RTN4IP1: variants seen among roughly 807,000 people sequenced by gnomAD.
RTN4IP1 encodes the protein NAD(P)H oxidoreductase RTN4IP1, mitochondrial.
RTN4IP1 carries 32 observed loss-of-function variants against 46.6 expected under a neutral mutation model. The observed-to-expected ratio is 0.69, with a 90% confidence interval of 0.52 to 0.92. The LOEUF is 0.92. Ranked by LOEUF, RTN4IP1 falls within the 40% of genes least tolerant of loss-of-function variation. The pLI is 0.00. For synonymous variants in RTN4IP1, 167 were observed against 161.8 expected (o/e 1.03, Z -0.24); for missense variants, 424 against 485.8 (o/e 0.87, Z 1.20).
intron 4 of RTN4IP1, chr6:106,607,623 G>T (rs1776118503): frequency 6.6e-6 from 1 of 152,076 alleles, no homozygotes; most frequent in Non-Finnish European, 1.5e-5. Context: ...AAAATATGCT[G>T]TACATCACTA....
intron 5 of RTN4IP1, among the ~76,000 whole-genome samples, chr6:106,602,104 T>G (rs944477830): frequency 6.6e-6 from 1 of 152,224 alleles, no homozygotes; most frequent in African/African-American, 2.4e-5. Context: ...CTCAATTCTA[T>G]TCCATTGATC....
intron 1 of RTN4IP1, among the ~76,000 whole-genome samples, chr6:106,627,181 T>C (rs1450469564): frequency 6.7e-6 from 1 of 150,316 alleles, no homozygotes; most frequent in Non-Finnish European, 1.5e-5. Flanking sequence ...ATATTACCCA[T>C]TCAAGTCATA....
In RTN4IP1 at chr6:106,571,706, A is replaced by C. The variant is rs957763258; in HGVS notation, c.*290T>G. ...ACCCTGTCTCTAAAACAAAAAAGAC[A>C]ATAAAGTAGTTTAAGCTAGTAAAAC... is the stretch of plus-strand genomic sequence containing the variant. On this transcript the variant is annotated 3_prime_UTR_variant, in exon 9 of 9. Coordinates refer to ENST00000369063, the MANE Select transcript of RTN4IP1 (RefSeq NM_032730.5). The C allele has an allele frequency of 1.2e-5, 4 of 327,864 alleles. No homozygotes were observed. In the Admixed American group the frequency reaches 1.9e-4, roughly 15 times the overall value. The allele number at this position is 327,864 out of a possible 1,614,324, so 20.3% of individuals were successfully genotyped here. A position where few individuals can be genotyped will look rare whatever the true frequency, so the allele number is the denominator to read the frequency against.
chr6:106,577,956 AT>A (rs1202473895), intron 8 of RTN4IP1, among the ~76,000 whole-genome samples: 1 of 152,194 alleles, frequency 6.6e-6, no homozygotes, highest in Non-Finnish European at 1.5e-5. Context: ...AAGATAATAA[AT>A]TTGTGCTGTC....
intron 1 of RTN4IP1, among the ~76,000 whole-genome samples, chr6:106,626,035 G>A (rs1210069436): frequency 6.6e-6 from 1 of 152,148 alleles, no homozygotes; most frequent in Non-Finnish European, 1.5e-5. Context: ...AGAAAAGACT[G>A]ATGATGCAGG....
intron 7 of RTN4IP1, among the ~76,000 whole-genome samples, chr6:106,584,053 A>T (rs1775428148): frequency 1.3e-5 from 2 of 152,188 alleles, no homozygotes; most frequent in Non-Finnish European, 2.9e-5. Flanking sequence ...GATGAGTACA[A>T]ATCTTACACC....
At chr6:106,587,258 G>C (rs974549841) in intron 7 of RTN4IP1, among the ~76,000 whole-genome samples, 2 of 152,228 alleles carry the variant, frequency 1.3e-5, no homozygotes, top group Non-Finnish European at 2.9e-5. Flanking sequence ...GAAACAGAGA[G>C]AGGGTCATCA....
At position 106,618,594 on chromosome 6, in the gene RTN4IP1, G is replaced by A. The variant is rs73508247; in HGVS notation, c.620+608C>T. 4.4e-3 allele frequency among the ~76,000 whole-genome samples: 669 copies of A among 152,272 alleles called. 6 individuals carry two copies. The highest frequency in any genetic ancestry group is 0.016 in the African/African-American group (648 of 41,542). ...TGGGTCACCCAACTGGAAAGCAACA[G>A]AATCTACATATAAACTCAAGTACAT... is the stretch of plus-strand genomic sequence containing the variant. On this transcript the variant is annotated intron_variant, in intron 4 of 8. Coordinates refer to ENST00000369063, the MANE Select transcript of RTN4IP1 (RefSeq NM_032730.5).
At chr6:106,629,845 T>A, upstream of RTN4IP1, 1 of 1,024,078 alleles carries the variant, frequency 9.8e-7, no homozygotes, top group Non-Finnish European at 1.4e-6. Flanking sequence ...ATAAGTACCT[T>A]TCGATTCTTC....
intron 1 of RTN4IP1, among the ~76,000 whole-genome samples, chr6:106,625,305 G>A (rs1197034550): frequency 2.0e-5 from 3 of 152,078 alleles, no homozygotes; most frequent in African/African-American, 7.2e-5. Flanking sequence ...CCACTCCTGT[G>A]GGCAATCCAT....
At chr6:106,606,385 C>A (rs1358363645) in intron 4 of RTN4IP1, among the ~76,000 whole-genome samples, 2 of 151,708 alleles carry the variant, frequency 1.3e-5, no homozygotes, top group African/African-American at 2.4e-5. Flanking sequence ...GTGCCACTGC[C>A]CTCCAGCCTG....
intron 7 of RTN4IP1, among the ~76,000 whole-genome samples, chr6:106,584,487 G>A (rs573006097): frequency 1.8e-4 from 28 of 152,314 alleles, no homozygotes; most frequent in African/African-American, 6.3e-4. Context: ...CTACCATGGC[G>A]TGAGGCTGAA....
At chr6:106,581,942 A>C (rs1188420327) in intron 8 of RTN4IP1, among the ~76,000 whole-genome samples, 2 of 152,188 alleles carry the variant, frequency 1.3e-5, no homozygotes, top group Admixed American at 1.3e-4. Flanking sequence ...CACTTACTTG[A>C]TGATACTTCA....
At chr6:106,573,627 C>G (rs1325581980) in intron 8 of RTN4IP1, among the ~76,000 whole-genome samples, 1 of 152,172 alleles carries the variant, frequency 6.6e-6, no homozygotes. Context: ...ACTGTTATTC[C>G]CATTTTACAG....
intron 5 of RTN4IP1, among the ~76,000 whole-genome samples, chr6:106,596,425 C>T (rs1775794641): frequency 6.6e-6 from 1 of 152,072 alleles, no homozygotes; most frequent in African/African-American, 2.4e-5. Flanking sequence ...GCTACAAAAA[C>T]GTGAAAAAAT....
At chr6:106,586,351 G>C (rs184245930) in intron 7 of RTN4IP1, among the ~76,000 whole-genome samples, 258 of 152,092 alleles carry the variant, frequency 1.7e-3, no homozygotes, top group African/African-American at 5.9e-3. Context: ...AGAGTCTCAA[G>C]TATTTTGCTT....
chr6:106,597,350 TC>T (rs1775821362), intron 5 of RTN4IP1, among the ~76,000 whole-genome samples: 2 of 152,286 alleles, frequency 1.3e-5, no homozygotes, highest in African/African-American at 4.8e-5. Context: ...TCTGTTTTTA[TC>T]TTTTTCTGTT....
At chr6:106,614,503 G>T (rs1320326677) in intron 4 of RTN4IP1, among the ~76,000 whole-genome samples, 6 of 152,238 alleles carry the variant, frequency 3.9e-5, no homozygotes, top group African/African-American at 1.4e-4. Context: ...GAGTAGATGA[G>T]ATAACCCTGG....
intron 4 of RTN4IP1, among the ~76,000 whole-genome samples, chr6:106,618,413 C>T (rs893625926): frequency 4.6e-5 from 7 of 152,156 alleles, no homozygotes; most frequent in African/African-American, 1.7e-4. Flanking sequence ...TCTATGATGG[C>T]AACTTTCTAA....
Sources: gnomAD v4.1 joint callset for allele counts (sites outside exome capture counted in the v4.1 genomes callset) on GRCh38, gnomAD v4.1.1 for gene constraint, MANE v1.5 for transcripts, NCBI Gene and HGNC (gene_info 2026-07-23, HGNC 2026-07-21) for gene names.